The following TENM2 variants were observed in gnomAD, a reference collection of about 807,000 sequenced individuals.
TENM2 encodes teneurin-2.
In TENM2, 52 loss-of-function variants were observed where a neutral mutation model predicts 245.2. That is an observed-to-expected ratio of 0.21 (90% CI 0.17 to 0.27). TENM2 has a LOEUF of 0.27. Ranked by LOEUF, TENM2 falls within the 10% of genes least tolerant of loss-of-function variation. The pLI is 1.00. For synonymous variants in TENM2, 1,363 were observed against 1,438.9 expected (o/e 0.95, Z 1.19); for missense variants, 3,046 against 3,666.8 (o/e 0.83, Z 4.37).
chr5:167,544,296 C>T (rs1213907857), intron 2 of TENM2, among the ~76,000 whole-genome samples: 4 of 152,126 alleles, frequency 2.6e-5, no homozygotes, highest in Admixed American at 6.6e-5. Context: ...GTGATACTTA[C>T]GTGGGCTATG....
At chr5:167,929,612 TAAG>T in intron 3 of TENM2, among the ~76,000 whole-genome samples, 1 of 152,310 alleles carries the variant, frequency 6.6e-6, no homozygotes, top group South Asian at 2.1e-4. Flanking sequence ...AGATGCTTCA[TAAG>T]TGGCTGTTGA....
At chr5:167,591,399 T>C (rs1298131963) in intron 2 of TENM2, among the ~76,000 whole-genome samples, 1 of 152,228 alleles carries the variant, frequency 6.6e-6, no homozygotes, top group East Asian at 1.9e-4. Flanking sequence ...GGGGTAAATA[T>C]ATAATCTATT....
At chr5:167,979,186 C>T (rs916406684) in intron 4 of TENM2, among the ~76,000 whole-genome samples, 1 of 151,944 alleles carries the variant, frequency 6.6e-6, no homozygotes, top group South Asian at 2.1e-4. Flanking sequence ...GTGCACCAGG[C>T]AGGACTCCTT....
the TENM2 span, among the ~76,000 whole-genome samples, chr5:167,156,031 A>G: frequency 2.0e-5 from 3 of 152,196 alleles, no homozygotes; most frequent in African/African-American, 7.2e-5. Flanking sequence ...TTAGTGGGCA[A>G]ATGAAGTGGT....
At chr5:167,143,789 T>G in the TENM2 span, among the ~76,000 whole-genome samples, 13 of 152,188 alleles carry the variant, frequency 8.5e-5, no homozygotes, top group Admixed American at 6.5e-4. Context: ...GGATGACCAC[T>G]GCGCTTTTAA....
chr5:167,984,710 G>C (rs1158064958), intron 4 of TENM2, among the ~76,000 whole-genome samples: 1 of 152,104 alleles, frequency 6.6e-6, no homozygotes, highest in South Asian at 2.1e-4. Context: ...TGTTATATTT[G>C]CAAACAGGAA....
intron 2 of TENM2, among the ~76,000 whole-genome samples, chr5:167,592,326 A>G (rs572004148): frequency 2.2e-4 from 34 of 152,288 alleles, no homozygotes; most frequent in Non-Finnish European, 4.6e-4. Flanking sequence ...GCTCTGTTTT[A>G]TCCTCCTGGA....
At chr5:168,176,523 G>T (rs2152481517) in intron 13 of TENM2, among the ~76,000 whole-genome samples, 1 of 152,260 alleles carries the variant, frequency 6.6e-6, no homozygotes, top group Middle Eastern at 3.4e-3. Flanking sequence ...CTTCTTTAGA[G>T]AAGCCCTCCC....
chr5:167,696,963 CTCTA>C (rs1269421777), intron 2 of TENM2, among the ~76,000 whole-genome samples: 1 of 152,228 alleles, frequency 6.6e-6, no homozygotes, highest in African/African-American at 2.4e-5. Context: ...CGTCTACACT[CTCTA>C]TCTGAGGCCG....
chr5:167,413,025 A>G (rs1444904753), intron 2 of TENM2, among the ~76,000 whole-genome samples: 4 of 152,104 alleles, frequency 2.6e-5, no homozygotes, highest in African/African-American at 4.8e-5. Flanking sequence ...CATTGGCCCT[A>G]TATCTTCATT....
the TENM2 span, among the ~76,000 whole-genome samples, chr5:167,007,486 A>G: frequency 1.3e-5 from 2 of 152,230 alleles, no homozygotes; most frequent in South Asian, 4.1e-4. This position sits in a 1 kb window ranked among gnomAD's most constrained non-coding sequence, Gnocchi z 4.2. Flanking sequence ...AAAAGCGAAA[A>G]GTTACTGTTT....
At chr5:167,772,432 T>G (rs1420337970) in intron 2 of TENM2, among the ~76,000 whole-genome samples, 2 of 152,146 alleles carry the variant, frequency 1.3e-5, no homozygotes, top group African/African-American at 4.8e-5. Flanking sequence ...ATGGCTTGAT[T>G]AGCTTTTTTA....
In TENM2 at chr5:168,182,623, C is replaced by G. The variant is rs542436307; in HGVS notation, c.2570-7714C>G. On this transcript the variant is annotated intron_variant, in intron 13 of 28. Coordinates refer to ENST00000518659, the Ensembl canonical transcript of TENM2. Reference sequence around the variant, plus strand: ...AACTGAGCCAAAAGTCCAGTACCACCCTGGGCAAATGGGGCAGGGCAGGGA... The same window carrying G: ...AACTGAGCCAAAAGTCCAGTACCACGCTGGGCAAATGGGGCAGGGCAGGGA... Among the ~76,000 whole-genome samples the G allele has an allele frequency of 2.1e-3, 322 of 152,218 alleles. 2 individuals are homozygous for G. The highest frequency in any genetic ancestry group is 7.6e-3 in the African/African-American group (314 of 41,538).
At position 167,746,710 on chromosome 5, in the gene TENM2, A is replaced by AGAGAGAGC. The variant is rs761614775; in HGVS notation, c.503-129271_503-129270insAGCGAGAG. Among the ~76,000 whole-genome samples the AGAGAGAGC allele has an allele frequency of 9.3e-3, 1,355 of 144,956 alleles. 10 individuals carry two copies. The highest frequency in any genetic ancestry group is 0.016 in the African/African-American group (611 of 39,074). ...GAGAGAGAGAGAGAGAGAGAGAGAG[A>AGAGAGAGC]GAGAGCTGGACTCTACACAATTAGT... On this transcript the variant is annotated intron_variant, in intron 2 of 28. Coordinates refer to ENST00000518659, the Ensembl canonical transcript of TENM2.
At chr5:167,438,955 G>A (rs1262969760) in intron 2 of TENM2, among the ~76,000 whole-genome samples, 1 of 151,884 alleles carries the variant, frequency 6.6e-6, no homozygotes, top group Non-Finnish European at 1.5e-5. Context: ...CACCACGCTC[G>A]GCTAGTTTTT....
chr5:167,370,868 C>T (rs1285465198), intron 1 of TENM2, among the ~76,000 whole-genome samples: 2 of 152,206 alleles, frequency 1.3e-5, no homozygotes, highest in Non-Finnish European at 2.9e-5. Context: ...GAGAATCACA[C>T]AATGAGTAGT....
At chr5:167,897,663 G>C (rs1019416462) in intron 3 of TENM2, among the ~76,000 whole-genome samples, 26 of 152,134 alleles carry the variant, frequency 1.7e-4, no homozygotes, top group Non-Finnish European at 3.2e-4. Flanking sequence ...CCCAGTAATG[G>C]GATATTCCAG....
At chr5:167,164,395 T>C in the TENM2 span, among the ~76,000 whole-genome samples, 1 of 152,238 alleles carries the variant, frequency 6.6e-6, no homozygotes, top group Non-Finnish European at 1.5e-5. Flanking sequence ...ATGTATGGAA[T>C]TTTAGACTCA....
At chr5:167,724,288 GTT>G (rs1300011133) in intron 2 of TENM2, among the ~76,000 whole-genome samples, 9 of 143,748 alleles carry the variant, frequency 6.3e-5, no homozygotes, top group African/African-American at 1.8e-4. Context: ...TAAATTACTA[GTT>G]TTTTTTTTTT....
Sources: allele counts gnomAD v4.1 joint callset (sites outside exome capture counted in the v4.1 genomes callset), GRCh38; gene constraint gnomAD v4.1.1; non-coding constraint Gnocchi (gnomAD v3.1); transcripts MANE v1.5; gene names NCBI Gene and HGNC (gene_info 2026-07-23, HGNC 2026-07-21).